Variants in VCL observed in about 807,000 individuals in gnomAD.
VCL encodes vinculin.
Under a neutral mutation model 125.7 loss-of-function variants are expected in VCL, and 47 were observed. The observed-to-expected ratio is 0.37, with a 90% CI of 0.30 to 0.48. The LOEUF is 0.48. Ranked by LOEUF, VCL falls within the 20% of genes least tolerant of loss-of-function variation. The pLI is 0.99. For missense variants in VCL, 1,069 were observed against 1,455.5 expected (o/e 0.73, Z 4.32); for synonymous variants, 458 against 514.6 (o/e 0.89, Z 1.49).
At chr10:74,022,115 C>A (rs1840680488) in intron 1 of VCL, among the ~76,000 whole-genome samples, 2 of 152,088 alleles carry the variant, frequency 1.3e-5, no homozygotes, top group Admixed American at 6.6e-5. Context: ...TGTATTATTT[C>A]TCTATGGAGA....
chr10:74,054,801 G>A (rs964641396), intron 2 of VCL, among the ~76,000 whole-genome samples: 1 of 151,948 alleles, frequency 6.6e-6, no homozygotes, highest in Admixed American at 6.6e-5. Context: ...CACACCTGTA[G>A]GCCCAGCTAC....
intron 14 of VCL, among the ~76,000 whole-genome samples, chr10:74,101,407 G>T (rs1358961858): frequency 1.3e-5 from 2 of 151,972 alleles, no homozygotes; most frequent in Admixed American, 6.6e-5. Context: ...GATTATTTGA[G>T]CCCAGAAGGT....
intron 20 of VCL, 124 bp downstream of exon 20, chr10:74,114,511 G>A: frequency 8.2e-7 from 1 of 1,214,794 alleles, no homozygotes; most frequent in Non-Finnish European, 1.2e-6. Flanking sequence ...AAGGGAGAAA[G>A]AGGCACTTCA....
chr10:74,078,738 A>T (rs1839632674), intron 6 of VCL, among the ~76,000 whole-genome samples: 1 of 152,188 alleles, frequency 6.6e-6, no homozygotes, highest in Admixed American at 6.5e-5. Flanking sequence ...TCAGGACTAG[A>T]CAACTTTCTC....
At chr10:74,066,089 C>T (rs1312730786) in intron 2 of VCL, among the ~76,000 whole-genome samples, 9 of 126,274 alleles carry the variant, frequency 7.1e-5, no homozygotes, top group African/African-American at 1.8e-4. Context: ...GATGGAGTTT[C>T]GCTTTTGTTG....
chr10:74,107,415 G>T, intron 17 of VCL, 61 bp downstream of exon 17: 1 of 1,613,242 alleles, frequency 6.2e-7, no homozygotes, highest in Non-Finnish European at 8.5e-7. Context: ...CAGCAAGAGA[G>T]AGGTAGATTG....
At chr10:74,037,999 CTTT>C (rs56198344) in intron 1 of VCL, among the ~76,000 whole-genome samples, 10 of 130,042 alleles carry the variant, frequency 7.7e-5, no homozygotes, top group East Asian at 4.1e-4. Context: ...CTTTTCTTTT[CTTT>C]TTTTTTTTTT....
At chr10:74,112,414 A>G (rs981032141) in intron 19 of VCL, among the ~76,000 whole-genome samples, 1 of 152,202 alleles carries the variant, frequency 6.6e-6, no homozygotes, top group African/African-American at 2.4e-5. Context: ...GAAGCCGTGA[A>G]TGCATCTCTC....
intron 21 of VCL, among the ~76,000 whole-genome samples, chr10:74,115,640 G>A (rs948819220): frequency 1.3e-5 from 2 of 152,124 alleles, no homozygotes; most frequent in South Asian, 2.1e-4. Context: ...GAGAAGGTCC[G>A]CTTTCCAGCT....
intron 21 of VCL, 131 bp from the exon 22 acceptor site, chr10:74,117,892 T>C (rs1488490765): frequency 7.6e-7 from 1 of 1,317,620 alleles, no homozygotes; most frequent in East Asian, 2.3e-5. Flanking sequence ...AAACCCCTAG[T>C]GATGCAAGCA....
intron 2 of VCL, among the ~76,000 whole-genome samples, chr10:74,066,137 G>A (rs967649560): frequency 4.7e-5 from 7 of 148,864 alleles, no homozygotes; most frequent in African/African-American, 1.5e-4. Flanking sequence ...TCAGCTCACC[G>A]CAACCTCCGC....
Position 74,067,743 on chromosome 10 carries a change from G to A in VCL, c.240-2927G>A, listed in dbSNP as rs77427952. On this transcript the variant is annotated intron_variant, in intron 2 of 21. Transcript: ENST00000211998. ...ACATGCTAAATGAAAGGAGCCAGAC[G>A]TAGTGTATGAATTCTTTTGTATGAT... 3.0e-4 allele frequency among the ~76,000 whole-genome samples: 46 copies of A among 152,332 alleles called. No homozygotes were observed. In the East Asian group the frequency reaches 4.6e-3, roughly 15 times the overall value.
At chr10:74,059,885 T>C (rs1841450548) in intron 2 of VCL, among the ~76,000 whole-genome samples, 1 of 152,174 alleles carries the variant, frequency 6.6e-6, no homozygotes, top group African/African-American at 2.4e-5. Context: ...GTGACTCTGC[T>C]GGGCACAGTG....
At chr10:74,037,334 TA>T (rs1841000704) in intron 1 of VCL, among the ~76,000 whole-genome samples, 1 of 152,240 alleles carries the variant, frequency 6.6e-6, no homozygotes, top group Admixed American at 6.5e-5. Flanking sequence ...GTTAATGGCT[TA>T]AAAATTAAAG....
intron 1 of VCL, among the ~76,000 whole-genome samples, chr10:74,023,389 A>G (rs1442985270): frequency 6.6e-6 from 1 of 152,234 alleles, no homozygotes; most frequent in African/African-American, 2.4e-5. Flanking sequence ...TTGTGTAAGT[A>G]TACTCTATGA....
intron 16 of VCL, 98 bp from the exon 17 acceptor site, chr10:74,107,132 C>T: frequency 6.3e-7 from 1 of 1,598,418 alleles, no homozygotes; most frequent in South Asian, 1.1e-5. Context: ...GGCAGCTTCA[C>T]ATCCAGCTTT....
chr10:74,119,319 T>G lies in VCL; in HGVS notation c.*1150T>G, dbSNP rs930005297. Reference sequence around the variant, plus strand: ...AGTGTTTAATGGCAAGGCAGCCCTGTCTGAAGGACACTTCCTGCCTAAGGG... The same window carrying G: ...AGTGTTTAATGGCAAGGCAGCCCTGGCTGAAGGACACTTCCTGCCTAAGGG... On this transcript the variant is annotated 3_prime_UTR_variant, in exon 22 of 22. Transcript: ENST00000211998. The G allele has an allele frequency of 6.6e-6, 1 of 152,368 alleles. No homozygotes were observed. Among genetic ancestry groups the G allele is most frequent in the African/African-American group, 2.4e-5 (1 of 41,446 alleles). The allele number at this position is 152,368 out of a possible 1,614,324, so 9.4% of individuals were successfully genotyped here.
At chr10:74,069,377 C>G (rs1477186967) in intron 2 of VCL, among the ~76,000 whole-genome samples, 4 of 152,156 alleles carry the variant, frequency 2.6e-5, no homozygotes, top group African/African-American at 9.7e-5. Flanking sequence ...TGTGTCTTGC[C>G]TTAGTAAAGT....
chr10:74,034,534 T>C (rs994379713), intron 1 of VCL, among the ~76,000 whole-genome samples: 1 of 152,230 alleles, frequency 6.6e-6, no homozygotes, highest in Non-Finnish European at 1.5e-5. Context: ...TACTAGAGCA[T>C]GCATTACACT....
Sources: allele counts gnomAD v4.1 joint callset (sites outside exome capture counted in the v4.1 genomes callset), GRCh38; gene constraint gnomAD v4.1.1; transcripts MANE v1.5; gene names NCBI Gene and HGNC (gene_info 2026-07-23, HGNC 2026-07-21).